Variants in AKAP9 observed in about 807,000 individuals in gnomAD.
AKAP9 encodes the protein A-kinase anchoring protein 9.
In AKAP9, 311 loss-of-function variants were observed where a neutral mutation model predicts 488.5. The ratio of observed to expected loss-of-function variants is 0.64; its 90% CI spans 0.58 to 0.70. The LOEUF is 0.70. AKAP9 is among the 30% of genes least tolerant of loss of function. The pLI, the probability that AKAP9 is intolerant of heterozygous loss-of-function variation, is 0.00. For synonymous variants in AKAP9, 1,462 were observed against 1,483.5 expected (o/e 0.99, Z 0.33); for missense variants, 4,215 against 4,374.5 (o/e 0.96, Z 1.03).
chr7:91,978,241 C>CA (rs11295179), intron 2 of AKAP9, among the ~76,000 whole-genome samples: 1,152 of 88,326 alleles, frequency 0.013, 25 homozygotes, highest in African/African-American at 0.035. Context: ...GACTCTGTCT[C>CA]AAAAAAAAAA....
chr7:92,110,406 T>C lies in AKAP9; in HGVS notation c.*247T>C. On this transcript the variant is annotated 3_prime_UTR_variant, in exon 50 of 50. Coordinates refer to ENST00000356239, the MANE Select transcript of AKAP9 (RefSeq NM_005751.5). ...TTTGTGGAATGCTAATTTAAAACAT[T>C]AAATTATAAACCTTGTGTATTTATC... is the stretch of plus-strand genomic sequence containing the variant. 1.9e-6 allele frequency: 1 copy of C among 513,628 alleles called. No individual in the cohort carries two copies. Among genetic ancestry groups the C allele is most frequent in the Non-Finnish European group, 3.5e-6 (1 of 286,634 alleles). The allele number at this position is 513,628 out of a possible 1,614,324, so 31.8% of individuals were successfully genotyped here. A position where few individuals can be genotyped will look rare whatever the true frequency, so the allele number is the denominator to read the frequency against.
intron 3 of AKAP9, among the ~76,000 whole-genome samples, chr7:91,989,127 A>G (rs1427304655): frequency 7.7e-6 from 1 of 129,968 alleles, no homozygotes; most frequent in African/African-American, 3.0e-5. Flanking sequence ...GAAATGAGTG[A>G]TGATGATTCC....
In AKAP9 at chr7:92,086,328, T is replaced by G; in HGVS notation, c.9125T>G (p.Leu3042Arg). 1 of 1,614,090 alleles carries G rather than the reference T, an allele frequency of 6.2e-7. No individual in the cohort carries two copies. Among genetic ancestry groups the G allele is most frequent in the Non-Finnish European group, 8.5e-7 (1 of 1,179,970 alleles). Residue 3042 changes from leucine to arginine, a missense_variant, in exon 37 of 50, where the codon CTA becomes CGA. This residue lies in a region of AKAP9 where 1,476 missense variants were observed against 1,477.4 expected (regional missense o/e 1.00). Coordinates refer to ENST00000356239, the MANE Select transcript of AKAP9 (RefSeq NM_005751.5). ...TTCTTAGAAGAGCGTAGTGTTTTAC[T>G]AGCAGCATTTCGGACGGAGCTGACA... ...QVFLEERSVL[L>R]AAFRTELTAL...
rs1799071863 is a variant in AKAP9, at chr7:92,000,877, TAAA to T, written c.961_963del (p.Lys321del). ...AAGATAAAAAAGTAGAAAACTCAAA[TAAA>T]GAAGAAATACAGGAAAAGGAGACAA... On this transcript the variant is annotated inframe_deletion, in exon 8 of 50. Transcript: ENST00000356239. The T allele has an allele frequency of 2.8e-6, 4 of 1,417,438 alleles. No individual in the cohort carries two copies. Among genetic ancestry groups the T allele is most frequent in the Admixed American group, 2.8e-5 (1 of 35,130 alleles). 87.8% of individuals were successfully genotyped at this position (1,417,438 alleles called of 1,614,324 possible).
At chr7:91,966,026 A>G (rs944059226) in intron 1 of AKAP9, among the ~76,000 whole-genome samples, 4 of 152,032 alleles carry the variant, frequency 2.6e-5, no homozygotes, top group African/African-American at 9.7e-5. Flanking sequence ...CTGTACAGAA[A>G]CTTTTTAGCT....
chr7:92,070,537 C>T (rs990491264), intron 27 of AKAP9, among the ~76,000 whole-genome samples: 3 of 151,984 alleles, frequency 2.0e-5, no homozygotes, highest in East Asian at 1.9e-4. Context: ...CGAGTTCAAG[C>T]GATTCTTCTG....
chr7:92,070,993 A>T lies in AKAP9; in HGVS notation c.6596A>T (p.Asp2199Val). The T allele has an allele frequency of 1.2e-6, 2 of 1,613,214 alleles. No homozygotes were observed. Residue 2199 changes from aspartate (D) to valine (V), a missense_variant, in exon 28 of 50, where the codon GAC becomes GTC. Around this residue, in one of 5 missense-constraint regions of AKAP9, gnomAD observed 51 missense variants for 87.3 expected, o/e 0.58. Transcript: ENST00000356239. The part of the protein sequence containing the change: ...VQLQAERDAI[D>V]RKEKEITNLE... ...TTGCAGGCTGAACGAGATGCCATAGACAGAAAGGAAAAAGAGGTAAGGAGT... is the reference window on the plus strand; with the variant it reads ...TTGCAGGCTGAACGAGATGCCATAGTCAGAAAGGAAAAAGAGGTAAGGAGT...
rs1814542252 is a variant in AKAP9 at position 92,086,261 on chromosome 7, T to C, written c.9058T>C (p.Ser3020Pro). The C allele has an allele frequency of 6.8e-6, 11 of 1,614,134 alleles. No individual in the cohort carries two copies. The highest frequency in any genetic ancestry group is 9.3e-6 in the Non-Finnish European group (11 of 1,179,988). The change falls in exon 37 of 50, where the codon TCA becomes CCA. Residue 3020 changes from serine (S) to proline (P), a missense_variant. By Grantham distance (74) the Ser-to-Pro change is moderately conservative. Transcript: ENST00000356239. ...TAGTTCTCAATCTCATGAGAGCTTCTCAGACTGGCGAGGTGAACTACTGCT... is the reference window on the plus strand; with the variant it reads ...TAGTTCTCAATCTCATGAGAGCTTCCCAGACTGGCGAGGTGAACTACTGCT... ...YDSSQSHESFSDWRGELLLAL... is the reference protein window; with the variant it reads ...YDSSQSHESFPDWRGELLLAL...
rs745476087 is a variant in AKAP9, at chr7:91,992,113, A to T, written c.352-45A>T. ...ACAGAAATATTGTTAGCTAAATAAAATTATGTCTAAGATCATAATATATCA... is the reference window on the plus strand; with the variant it reads ...ACAGAAATATTGTTAGCTAAATAAATTTATGTCTAAGATCATAATATATCA... On this transcript the variant is annotated intron_variant, in intron 3 of 49. Transcript: ENST00000356239. 4 of 1,458,424 alleles carry T rather than the reference A, an allele frequency of 2.7e-6. No individual in the cohort carries two copies. The Middle Eastern group carries it at 5.2e-4, about 190-fold the overall frequency. 90.3% of individuals were successfully genotyped at this position (1,458,424 alleles called of 1,614,324 possible).
intron 1 of AKAP9, among the ~76,000 whole-genome samples, chr7:91,968,183 A>G (rs546699498): frequency 6.6e-6 from 1 of 152,248 alleles, no homozygotes; most frequent in African/African-American, 2.4e-5. Context: ...AGCTCAAGCA[A>G]TCCACTTGCT....
chr7:92,108,843 G>T (rs888127903), intron 49 of AKAP9: 11 of 639,796 alleles, frequency 1.7e-5, no homozygotes, highest in African/African-American at 1.1e-4. Context: ...TATCACCCCA[G>T]ATCCCACTCC....
chr7:92,084,835 G>C lies in AKAP9; in HGVS notation c.8727G>C (p.Trp2909Cys), dbSNP rs776407616. The C allele has an allele frequency of 1.2e-6, 2 of 1,613,222 alleles. No individual in the cohort carries two copies. Among genetic ancestry groups the C allele is most frequent in the Non-Finnish European group, 8.5e-7 (1 of 1,179,648 alleles). ...EICSSDSGSD[W>C]GQGIYLTHSQ... ...TTATTTTAGATTCTGGATCAGACTG[G>C]GGTCAGGGAATTTATCTTACACACA... The change falls in exon 35 of 50, where the codon TGG (tryptophan) becomes TGC (cysteine). Residue 2909 changes from tryptophan to cysteine, a missense_variant. Coordinates refer to ENST00000356239, the MANE Select transcript of AKAP9 (RefSeq NM_005751.5).
intron 3 of AKAP9, among the ~76,000 whole-genome samples, chr7:91,982,204 T>TATGC (rs1013995661): frequency 6.6e-6 from 1 of 150,946 alleles, no homozygotes; most frequent in African/African-American, 2.4e-5. Flanking sequence ...TGTATGTATG[T>TATGC]ATGATACTTT....
At chr7:92,082,367 GCTT>G (rs1347257290) in intron 31 of AKAP9, among the ~76,000 whole-genome samples, 152 bp from the exon 32 acceptor site, 1 of 152,112 alleles carries the variant, frequency 6.6e-6, no homozygotes, top group Non-Finnish European at 1.5e-5. Context: ...TTCTGAAAAA[GCTT>G]CTCTGTTTTT....
At chr7:91,972,027 A>C (rs1420263351) in intron 1 of AKAP9, among the ~76,000 whole-genome samples, 1 of 113,416 alleles carries the variant, frequency 8.8e-6, no homozygotes, top group Non-Finnish European at 1.7e-5. Flanking sequence ...CCTCTGTTTC[A>C]GTACTACATA....
At position 92,022,807 on chromosome 7, in the gene AKAP9, A is replaced by G. The variant is rs758432865; in HGVS notation, c.3953-7A>G. ...ATGTGCATTTTTTGTCTCTTTATAT[A>G]ACATAGATGTCAATCATAAAAGCAA... On this transcript the variant is annotated splice_polypyrimidine_tract_variant and splice_region_variant and intron_variant, in intron 13 of 49. Transcript: ENST00000356239. 6.4e-7 allele frequency: 1 copy of G among 1,551,624 alleles called. No homozygotes were observed. The highest frequency in any genetic ancestry group is 8.9e-7 in the Non-Finnish European group (1 of 1,126,816).
At chr7:92,099,505 G>A (rs1374543836) in intron 43 of AKAP9, among the ~76,000 whole-genome samples, 182 bp from the exon 44 acceptor site, 2 of 151,988 alleles carry the variant, frequency 1.3e-5, no homozygotes, top group African/African-American at 2.4e-5. Context: ...TCAAGCCTTC[G>A]TGCCTTTTGC....
At chr7:92,015,833 A>C (rs1179666664) in intron 10 of AKAP9, among the ~76,000 whole-genome samples, 1 of 152,172 alleles carries the variant, frequency 6.6e-6, no homozygotes, top group East Asian at 1.9e-4. Flanking sequence ...ATAGGATCCA[A>C]GCTAGGAAGT....
intron 8 of AKAP9, among the ~76,000 whole-genome samples, chr7:92,006,766 G>A (rs948688930): frequency 6.6e-6 from 1 of 152,150 alleles, no homozygotes; most frequent in African/African-American, 2.4e-5. Context: ...TTTCAGTGTT[G>A]GGATGCAAGG....
Sources: gnomAD v4.1 joint callset for allele counts (sites outside exome capture counted in the v4.1 genomes callset) on GRCh38, gnomAD v4.1.1 for gene constraint, gnomAD v4.1.1 regional missense constraint, MANE v1.5 for transcripts, NCBI Gene and HGNC (gene_info 2026-07-23, HGNC 2026-07-21) for gene names.